Variants in ANOS1 observed in about 807,000 individuals in gnomAD.
The protein encoded by ANOS1 is anosmin 1.
In ANOS1, 6 loss-of-function variants were observed where a neutral mutation model predicts 59.0. The observed-to-expected ratio is 0.10, with a 90% CI of 0.06 to 0.20. The LOEUF is 0.20. Ranked by LOEUF, ANOS1 falls within the 10% of genes least tolerant of loss-of-function variation. ANOS1 has a pLI of 1.00. For synonymous variants in ANOS1, 217 were observed against 223.4 expected (o/e 0.97, Z 0.25); for missense variants, 433 against 542.3 (o/e 0.80, Z 2.00).
At chrX:8,717,851 C>A (rs1932850735) in intron 1 of ANOS1, among the ~76,000 whole-genome samples, 2 of 110,324 alleles carry the variant, frequency 1.8e-5, no homozygotes, top group Admixed American at 1.9e-4. Flanking sequence ...TCTCTGTTTT[C>A]AAAAAATAAA....
intron 7 of ANOS1, 46 bp from the exon 8 acceptor site, chrX:8,568,422 C>A: frequency 9.0e-7 from 1 of 1,116,124 alleles, no homozygotes; most frequent in South Asian, 1.8e-5. Context: ...AAACCTTCCA[C>A]GTCTCTCATC....
At chrX:8,660,205 T>C (rs1026967046) in intron 2 of ANOS1, among the ~76,000 whole-genome samples, 10 of 111,420 alleles carry the variant, frequency 9.0e-5, no homozygotes, top group Admixed American at 2.9e-4. Flanking sequence ...GCTGTCTTGT[T>C]CCATACACAC....
intron 2 of ANOS1, among the ~76,000 whole-genome samples, chrX:8,691,248 A>G (rs1050177632): frequency 5.5e-5 from 6 of 109,469 alleles, no homozygotes; most frequent in Non-Finnish European, 1.1e-4. Flanking sequence ...TAATTTTTGT[A>G]TTTTTAGTAG....
chrX:8,559,813 G>T (rs1031644873), intron 8 of ANOS1, among the ~76,000 whole-genome samples: 1 of 111,142 alleles, frequency 9.0e-6, no homozygotes, highest in Non-Finnish European at 1.9e-5. Context: ...CCACTCTTTT[G>T]TGTTCCTGTA....
chrX:8,573,025 T>C (rs73472353), intron 6 of ANOS1, among the ~76,000 whole-genome samples: 1,576 of 109,473 alleles, frequency 0.014, 42 homozygotes, highest in African/African-American at 0.05. Flanking sequence ...AATGCAGGCT[T>C]CATTTGGTGT....
chrX:8,558,729 A>G lies in ANOS1; in HGVS notation c.1208-4631T>C, dbSNP rs758830483. On this transcript the variant is annotated intron_variant, in intron 8 of 13. Coordinates refer to ENST00000262648, the MANE Select transcript of ANOS1 (RefSeq NM_000216.4). Reference sequence around the variant, plus strand: ...ACTTGGTGCAGGGCTCTAAACGGAAATACGGTTCAGCTTTGTCAAATAAAT... The same window carrying G: ...ACTTGGTGCAGGGCTCTAAACGGAAGTACGGTTCAGCTTTGTCAAATAAAT... 2.7e-5 allele frequency among the ~76,000 whole-genome samples: 3 copies of G among 111,696 alleles called. No individual in the cohort carries two copies. In the South Asian group the frequency reaches 1.1e-3, roughly 42 times the overall value.
At chrX:8,652,888 C>T (rs182134784) in intron 2 of ANOS1, among the ~76,000 whole-genome samples, 6,846 of 110,554 alleles carry the variant, frequency 0.062, 225 homozygotes, top group Non-Finnish European at 0.099. Flanking sequence ...CAGAGTCTTG[C>T]TCTGTCACCC....
At chrX:8,617,688 G>A (rs926369957) in intron 3 of ANOS1, among the ~76,000 whole-genome samples, 3 of 110,898 alleles carry the variant, frequency 2.7e-5, no homozygotes, top group Admixed American at 9.6e-5. Context: ...GGCTGAGTCA[G>A]GAGAATCGCT....
At chrX:8,615,542 CAAAA>C (rs34060774) in intron 3 of ANOS1, among the ~76,000 whole-genome samples, 1 of 58,066 alleles carries the variant, frequency 1.7e-5, no homozygotes. Context: ...GACCCTGTCT[CAAAA>C]AAAAAAAAAA....
intron 2 of ANOS1, among the ~76,000 whole-genome samples, chrX:8,640,641 T>C (rs912512177): frequency 1.1e-4 from 12 of 110,424 alleles, no homozygotes; most frequent in African/African-American, 3.3e-4. Flanking sequence ...GTTTTTTTTT[T>C]CTCTTGTAAT....
chrX:8,530,277 T>G lies in ANOS1; in HGVS notation c.*2718A>C, dbSNP rs1929476366. ...TGACAATATTTTTGATGAGCTCAATTTTTTAAACAGTCAATACTATTACTG... is the reference window on the plus strand; with the variant it reads ...TGACAATATTTTTGATGAGCTCAATGTTTTAAACAGTCAATACTATTACTG... On this transcript the variant is annotated 3_prime_UTR_variant, in exon 14 of 14. Coordinates refer to ENST00000262648, the MANE Select transcript of ANOS1 (RefSeq NM_000216.4). 8.9e-6 allele frequency: 1 copy of G among 112,138 alleles called. No individual in the cohort carries two copies. Among genetic ancestry groups the G allele is most frequent in the Non-Finnish European group, 1.9e-5 (1 of 53,190 alleles). 9.2% of individuals were successfully genotyped at this position (112,138 alleles called of 1,213,427 possible). A position where few individuals can be genotyped will look rare whatever the true frequency, so the allele number is the denominator to read the frequency against.
intron 3 of ANOS1, among the ~76,000 whole-genome samples, chrX:8,622,498 T>A (rs1931309955): frequency 8.9e-6 from 1 of 112,019 alleles, no homozygotes. Context: ...TGTCTCTGGA[T>A]CCTTGGAAGA....
chrX:8,568,210 A>G (rs1261210031), intron 8 of ANOS1, 22 bp downstream of exon 8: 32 of 1,204,791 alleles, frequency 2.7e-5, no homozygotes, highest in Non-Finnish European at 3.5e-5. Context: ...ATCATCTTGA[A>G]AAACATGACA....
chrX:8,651,105 T>A (rs1931843156), intron 2 of ANOS1, among the ~76,000 whole-genome samples: 1 of 112,535 alleles, frequency 8.9e-6, no homozygotes, highest in African/African-American at 3.2e-5. Flanking sequence ...CAGCCCCCTG[T>A]ATGATCCCCT....
chrX:8,679,258 G>A (rs993043429), intron 2 of ANOS1, among the ~76,000 whole-genome samples: 5 of 110,552 alleles, frequency 4.5e-5, no homozygotes, highest in Non-Finnish European at 9.4e-5. Context: ...ATTAAAAATC[G>A]GCTTTAAGAG....
At chrX:8,605,797 G>C (rs1205488920) in intron 3 of ANOS1, among the ~76,000 whole-genome samples, 1 of 111,697 alleles carries the variant, frequency 9.0e-6, no homozygotes, top group Non-Finnish European at 1.9e-5. Flanking sequence ...TTCTGCTTCT[G>C]AACACCAAAG....
intron 2 of ANOS1, among the ~76,000 whole-genome samples, chrX:8,669,282 G>A (rs910608650): frequency 1.8e-5 from 2 of 111,962 alleles, no homozygotes; most frequent in African/African-American, 6.5e-5. Flanking sequence ...GGAAATCATG[G>A]TATAAGATAA....
intron 3 of ANOS1, among the ~76,000 whole-genome samples, chrX:8,621,398 A>G (rs1931291169): frequency 1.8e-5 from 2 of 110,833 alleles, no homozygotes; most frequent in Non-Finnish European, 3.8e-5. Flanking sequence ...CTATAGATGT[A>G]TAGTTTGTGT....
chrX:8,731,443 A>T (rs964177903), intron 1 of ANOS1, among the ~76,000 whole-genome samples: 1 of 111,248 alleles, frequency 9.0e-6, no homozygotes, highest in African/African-American at 3.3e-5. Context: ...ACTCCCTCCC[A>T]GTGCCCCGGA....
Sources: allele counts gnomAD v4.1 joint callset (sites outside exome capture counted in the v4.1 genomes callset), GRCh38; gene constraint gnomAD v4.1.1; transcripts MANE v1.5; gene names NCBI Gene and HGNC (gene_info 2026-07-23, HGNC 2026-07-21).